Variants in SLC4A10 observed in about 807,000 individuals in gnomAD.
SLC4A10 encodes the protein solute carrier family 4 member 10.
A neutral mutation model predicts 137.7 loss-of-function variants in SLC4A10; 42 were observed. The observed-to-expected ratio is 0.30, with a 90% CI of 0.24 to 0.39. The LOEUF is 0.39. Ranked by LOEUF, SLC4A10 falls within the 10% of genes least tolerant of loss-of-function variation. The pLI is 1.00. For synonymous variants in SLC4A10, 474 were observed against 464.1 expected (o/e 1.02, Z -0.27); for missense variants, 925 against 1,355.0 (o/e 0.68, Z 4.98).
At chr2:161,856,425 G>A (rs2060107344) in intron 5 of SLC4A10, among the ~76,000 whole-genome samples, 1 of 149,226 alleles carries the variant, frequency 6.7e-6, no homozygotes, top group Non-Finnish European at 1.5e-5. Context: ...GGAAAGATAA[G>A]CGGTCCTCTT....
rs78046643 is a variant in SLC4A10 at position 161,908,985 on chromosome 2, C to A, written c.1997+3098C>A. ...AGCTTTATGTGGCCATGATCCCTGT[C>A]TGTCATGGTGATCAAAAGAGGAGTG... On this transcript the variant is annotated intron_variant, in intron 15 of 26. Transcript: ENST00000446997. Among the ~76,000 whole-genome samples, 232 of 148,448 alleles carry A rather than the reference C, an allele frequency of 1.6e-3. 1 individual carries two copies. The highest frequency in any genetic ancestry group is 5.5e-3 in the African/African-American group (220 of 40,076).
intron 1 of SLC4A10, among the ~76,000 whole-genome samples, chr2:161,743,954 A>G (rs192944936): frequency 3.5e-4 from 54 of 152,282 alleles, no homozygotes; most frequent in African/African-American, 1.3e-3. Context: ...GGCATACAGA[A>G]AAACTACTGA....
At chr2:161,645,251 A>G (rs1055173635) in intron 1 of SLC4A10, among the ~76,000 whole-genome samples, 3 of 151,560 alleles carry the variant, frequency 2.0e-5, no homozygotes, top group Non-Finnish European at 2.9e-5. Flanking sequence ...TCTTGGCTTT[A>G]TATGTTCCCA....
At chr2:161,983,158 G>A (rs1700452985) in intron 26 of SLC4A10, 21 bp from the exon 27 acceptor site, 2 of 1,536,070 alleles carry the variant, frequency 1.3e-6, no homozygotes, top group Non-Finnish European at 8.7e-7. Context: ...TAATAAATGT[G>A]TCCTTTTTTT....
intron 3 of SLC4A10, among the ~76,000 whole-genome samples, chr2:161,839,226 T>C (rs960927492): frequency 6.6e-6 from 1 of 152,224 alleles, no homozygotes; most frequent in Admixed American, 6.5e-5. Flanking sequence ...AAAGGTTATA[T>C]GCTGCGTTTC....
chr2:161,928,616 G>A (rs1575686976), intron 15 of SLC4A10, among the ~76,000 whole-genome samples: 3 of 112,158 alleles, frequency 2.7e-5, no homozygotes, highest in Admixed American at 9.9e-5. Context: ...TCTCATTCAA[G>A]AGCAAAAATA....
chr2:161,699,795 G>A (rs2042944489), intron 1 of SLC4A10, among the ~76,000 whole-genome samples: 1 of 152,144 alleles, frequency 6.6e-6, no homozygotes, highest in African/African-American at 2.4e-5. Flanking sequence ...TTAAAACTAT[G>A]GAGATGAAGG....
At chr2:161,716,105 A>G (rs1015658714) in intron 1 of SLC4A10, among the ~76,000 whole-genome samples, 1 of 151,590 alleles carries the variant, frequency 6.6e-6, no homozygotes, top group Non-Finnish European at 1.5e-5. Flanking sequence ...CTTTCTCTAA[A>G]TATGTTTTTT....
chr2:161,897,205 G>A (rs578005216), intron 11 of SLC4A10, among the ~76,000 whole-genome samples: 80 of 141,450 alleles, frequency 5.7e-4, no homozygotes, highest in Non-Finnish European at 1.0e-3. Context: ...GAAATATAAA[G>A]CATTGCTATT....
intron 1 of SLC4A10, among the ~76,000 whole-genome samples, chr2:161,671,599 G>T (rs1309382588): frequency 2.0e-5 from 3 of 151,970 alleles, no homozygotes; most frequent in Non-Finnish European, 2.9e-5. Flanking sequence ...TCACCACCTG[G>T]GTGACAGGAT....
intron 19 of SLC4A10, among the ~76,000 whole-genome samples, chr2:161,955,739 C>T (rs982204947): frequency 6.6e-6 from 1 of 152,182 alleles, no homozygotes; most frequent in African/African-American, 2.4e-5. Flanking sequence ...GTGTGTTTCA[C>T]ACTCCAGGCT....
chr2:161,901,887 A>G (rs963032993), intron 12 of SLC4A10: 3 of 370,530 alleles, frequency 8.1e-6, no homozygotes, highest in Non-Finnish European at 1.6e-5. Flanking sequence ...TTTGTTACTC[A>G]TTCTGTTTGC....
chr2:161,726,238 A>G (rs193022889), intron 1 of SLC4A10, among the ~76,000 whole-genome samples: 2 of 152,340 alleles, frequency 1.3e-5, no homozygotes, highest in East Asian at 3.9e-4. Flanking sequence ...TAACTATCAA[A>G]TAATAGGGAT....
At chr2:161,967,517 T>A (rs186526596) in intron 23 of SLC4A10, among the ~76,000 whole-genome samples, 1 of 152,306 alleles carries the variant, frequency 6.6e-6, no homozygotes, top group East Asian at 1.9e-4. Flanking sequence ...GCTATTGTTT[T>A]TGAACTGCTT....
chr2:161,671,570 T>G (rs2039725082), intron 1 of SLC4A10, among the ~76,000 whole-genome samples: 1 of 152,136 alleles, frequency 6.6e-6, no homozygotes, highest in East Asian at 1.9e-4. Flanking sequence ...GCTGAAAAAC[T>G]ACCTGTTGGG....
chr2:161,931,903 A>C (rs1009611118), intron 15 of SLC4A10, among the ~76,000 whole-genome samples: 19 of 152,330 alleles, frequency 1.2e-4, no homozygotes, highest in Admixed American at 1.2e-3. Flanking sequence ...AAGTATACCT[A>C]TATACACTTT....
chr2:161,694,857 A>G (rs1381438029), intron 1 of SLC4A10, among the ~76,000 whole-genome samples: 1 of 152,040 alleles, frequency 6.6e-6, no homozygotes, highest in African/African-American at 2.4e-5. Context: ...GCTAGATGTT[A>G]ATGATATTGA....
At chr2:161,700,726 T>G (rs1198362385) in intron 1 of SLC4A10, among the ~76,000 whole-genome samples, 2 of 152,104 alleles carry the variant, frequency 1.3e-5, no homozygotes, top group Admixed American at 6.6e-5. Context: ...TACTAATTGG[T>G]GAATCCAAGA....
chr2:161,970,835 C>T (rs1698393615), intron 23 of SLC4A10, among the ~76,000 whole-genome samples: 1 of 152,212 alleles, frequency 6.6e-6, no homozygotes, highest in African/African-American at 2.4e-5. Flanking sequence ...ATATATAACA[C>T]CCTGTTATCA....
Sources: allele counts gnomAD v4.1 joint callset (sites outside exome capture counted in the v4.1 genomes callset), GRCh38; gene constraint gnomAD v4.1.1; transcripts MANE v1.5; gene names NCBI Gene and HGNC (gene_info 2026-07-23, HGNC 2026-07-21).